LMNA: variants seen among roughly 807,000 people sequenced by gnomAD.
LMNA encodes lamin A/C.
A neutral mutation model predicts 70.4 loss-of-function variants in LMNA; 20 were observed. The ratio of observed to expected loss-of-function variants is 0.28; its 90% CI spans 0.20 to 0.41. The LOEUF is 0.41. LMNA is among the 10% of genes least tolerant of loss of function. LMNA has a pLI of 1.00. For missense variants in LMNA, 652 were observed against 917.2 expected (o/e 0.71, Z 3.73); for synonymous variants, 339 against 372.8 (o/e 0.91, Z 1.04).
In LMNA at chr1:156,135,438, C is replaced by T; in HGVS notation, c.936+126C>T. The stretch of plus-strand genomic sequence containing the variant: ...TGAGGAGGAGAGGGATGAAAAGTGT[C>T]CCCACAACCACAGAGAAGGGTCGCA... On this transcript the variant is annotated intron_variant, in intron 5 of 11. Coordinates refer to ENST00000368300, the MANE Select transcript of LMNA (RefSeq NM_170707.4). This position sits in a 1 kb window ranked among gnomAD's most constrained non-coding sequence, Gnocchi z 4.8. 8.0e-7 allele frequency: 1 copy of T among 1,254,554 alleles called. No individual in the cohort carries two copies. The highest frequency in any genetic ancestry group is 1.3e-5 in the South Asian group (1 of 78,168). 77.7% of individuals were successfully genotyped at this position (1,254,554 alleles called of 1,614,324 possible). A position where few individuals can be genotyped will look rare whatever the true frequency, so the allele number is the denominator to read the frequency against.
Position 156,139,449 on chromosome 1 carries a change from G to A in LMNA, c.*343G>A. The stretch of plus-strand genomic sequence containing the variant: ...CAAGGGAAAGGGGTGCTTTTATAGA[G>A]GCTAGCTTCTGCTTTTCTGCCCTGG... On this transcript the variant is annotated 3_prime_UTR_variant, in exon 12 of 12. Coordinates refer to ENST00000368300, the MANE Select transcript of LMNA (RefSeq NM_170707.4). The A allele has an allele frequency of 7.4e-7, 1 of 1,342,920 alleles. No homozygotes were observed. The highest frequency in any genetic ancestry group is 9.5e-7 in the Non-Finnish European group (1 of 1,048,996). 83.2% of individuals were successfully genotyped at this position (1,342,920 alleles called of 1,614,324 possible).
chr1:156,133,848 G>A (rs560950034), intron 2 of LMNA, among the ~76,000 whole-genome samples: 17 of 152,130 alleles, frequency 1.1e-4, no homozygotes, highest in African/African-American at 3.9e-4. Flanking sequence ...TGTAGGCCCC[G>A]CTAGCCTGTC....
chr1:156,134,927 C>G lies in LMNA; in HGVS notation c.762C>G (p.Asp254Glu), dbSNP rs1558129629. ...AGGAACTGCGGGCCCAGCATGAGGA[C>G]CAGGTGGAGCAGTATAAGAAGGAGC... ...ALQELRAQHE[D>E]QVEQYKKELE... Residue 254 changes from aspartate to glutamate, a missense_variant, in exon 4 of 12, where the codon GAC (aspartate) becomes GAG (glutamate). Around this residue, in one of 4 missense-constraint regions of LMNA, gnomAD observed 254 missense variants for 421.9 expected, o/e 0.60. Coordinates refer to ENST00000368300, the MANE Select transcript of LMNA (RefSeq NM_170707.4). This position sits in a 1 kb window ranked among gnomAD's most constrained non-coding sequence, Gnocchi z 5.3. The G allele has an allele frequency of 6.2e-7, 1 of 1,614,198 alleles. No individual in the cohort carries two copies. The highest frequency in any genetic ancestry group is 1.3e-5 in the African/African-American group (1 of 75,062).
In LMNA at chr1:156,135,890, C is replaced by T. The variant is rs267607645; in HGVS notation, c.937-11C>T. 3 of 1,611,088 alleles carry T rather than the reference C, an allele frequency of 1.9e-6. No homozygotes were observed. The highest frequency in any genetic ancestry group is 1.7e-5 in the Admixed American group (1 of 59,970). On this transcript the variant is annotated splice_polypyrimidine_tract_variant and intron_variant, in intron 5 of 11. Transcript: ENST00000368300. The surrounding 1 kb of genome is among the most constrained non-coding windows in gnomAD (Gnocchi z 4.8). ...CTTGGGAGCTCACCAAACCCTCCCA[C>T]CCCCCTTCAGCTGGCAGCCAAGGAG... is the stretch of plus-strand genomic sequence containing the variant.
intron 1 of LMNA, among the ~76,000 whole-genome samples, chr1:156,128,972 C>T (rs1342745445): frequency 6.6e-6 from 1 of 152,238 alleles, no homozygotes; most frequent in Non-Finnish European, 1.5e-5. Context: ...CCTGCAGCTG[C>T]TTCAGCTTCG....
At position 156,136,878 on chromosome 1, in the gene LMNA, G is replaced by T. The variant is rs760095320; in HGVS notation, c.1381-43G>T. On this transcript the variant is annotated intron_variant, in intron 7 of 11. Coordinates refer to ENST00000368300, the MANE Select transcript of LMNA (RefSeq NM_170707.4). This position sits in a 1 kb window ranked among gnomAD's most constrained non-coding sequence, Gnocchi z 6.1. ...TTGAGCAAGATACACCCAAGAGCCT[G>T]GGTGAGCCTCCCCGACCTTCCTCTT... The T allele has an allele frequency of 6.5e-7, 1 of 1,548,996 alleles. No individual in the cohort carries two copies. The highest frequency in any genetic ancestry group is 1.1e-5 in the South Asian group (1 of 86,978).
chr1:156,123,523 G>A (rs866039718), intron 1 of LMNA: 1 of 152,386 alleles, frequency 6.6e-6, no homozygotes, highest in Middle Eastern at 3.4e-3. Flanking sequence ...CTTGTGAAGG[G>A]AATCCCCTAA....
At chr1:156,097,442 C>T (rs371218027) in intron 3 of LMNA, among the ~76,000 whole-genome samples, 21 of 152,368 alleles carry the variant, frequency 1.4e-4, no homozygotes, top group African/African-American at 4.6e-4. Context: ...AAGGGGCAGG[C>T]GCTTTGCTCC....
Position 156,137,483 on chromosome 1 carries a change from C to T in LMNA, c.1609-171C>T, listed in dbSNP as rs2102897193. ...CCTACCCGGAGAGCTTGACAGTGTCCCTCTGGGGTGGAAATGAGTTCCTTA... is the reference window on the plus strand; with the variant it reads ...CCTACCCGGAGAGCTTGACAGTGTCTCTCTGGGGTGGAAATGAGTTCCTTA... On this transcript the variant is annotated intron_variant, in intron 9 of 11. Coordinates refer to ENST00000368300, the MANE Select transcript of LMNA (RefSeq NM_170707.4). This position sits in a 1 kb window ranked among gnomAD's most constrained non-coding sequence, Gnocchi z 4.6. 1.3e-6 allele frequency: 1 copy of T among 790,464 alleles called. No individual in the cohort carries two copies. Among genetic ancestry groups the T allele is most frequent in the Admixed American group, 2.0e-5 (1 of 49,360 alleles). The allele number at this position is 790,464 out of a possible 1,614,324, so 49.0% of individuals were successfully genotyped here. A position where few individuals can be genotyped will look rare whatever the true frequency, so the allele number is the denominator to read the frequency against.
intron 3 of LMNA, among the ~76,000 whole-genome samples, chr1:156,098,121 C>A (rs1649009839): frequency 6.6e-6 from 1 of 152,206 alleles, no homozygotes; most frequent in Non-Finnish European, 1.5e-5. Flanking sequence ...GGGGTATGCC[C>A]ATCTCACCCT....
At position 156,130,738 on chromosome 1, in the gene LMNA, G is replaced by C. The variant is rs765665953; in HGVS notation, c.478G>C (p.Gly160Arg). 21 of 1,605,612 alleles carry C rather than the reference G, an allele frequency of 1.3e-5. No homozygotes were observed. The highest frequency in any genetic ancestry group is 1.7e-5 in the Non-Finnish European group (20 of 1,176,424). The change falls in exon 2 of 12, where the codon GGC becomes CGC. Residue 160 changes from glycine to arginine, a missense_variant. By Grantham distance (125) the Gly-to-Arg change is moderately radical. Transcript: ENST00000368300. ...TALSEKRTLE[G>R]ELHDLRGQVA... Reference sequence around the variant, plus strand: ...TCTCAGTGAGAAGCGCACGCTGGAGGGCGAGCTGCATGATCTGCGGGGCCA... The same window carrying C: ...TCTCAGTGAGAAGCGCACGCTGGAGCGCGAGCTGCATGATCTGCGGGGCCA...
intron 1 of LMNA, chr1:156,126,914 C>A: frequency 6.3e-7 from 1 of 1,599,354 alleles, no homozygotes; most frequent in East Asian, 2.3e-5. Flanking sequence ...AGGGTCTCCC[C>A]TGTGAGCACT....
At chr1:156,122,727 A>G (rs1380922517) in intron 1 of LMNA, among the ~76,000 whole-genome samples, 1 of 152,226 alleles carries the variant, frequency 6.6e-6, no homozygotes, top group Non-Finnish European at 1.5e-5. Context: ...GAGAGGCAGA[A>G]CTGTTACCTT....
At chr1:156,092,699 G>A (rs1314997555) in intron 3 of LMNA, among the ~76,000 whole-genome samples, 1 of 150,244 alleles carries the variant, frequency 6.7e-6, no homozygotes, top group Non-Finnish European at 1.5e-5. Context: ...AAAAAAATGT[G>A]ATCATGAAAT....
At position 156,139,654 on chromosome 1, in the gene LMNA, A is replaced by G. The variant is rs1178090801; in HGVS notation, c.*548A>G. On this transcript the variant is annotated 3_prime_UTR_variant, in exon 12 of 12. Transcript: ENST00000368300. The stretch of plus-strand genomic sequence containing the variant: ...GCTTGGCCTGCTGTGATTCCACTAC[A>G]CCTGGCTGAGGTTCCTCTGCCTGCC... The G allele has an allele frequency of 1.3e-6, 2 of 1,492,842 alleles. No homozygotes were observed. Among genetic ancestry groups the G allele is most frequent in the African/African-American group, 2.8e-5 (2 of 71,402 alleles). The allele number at this position is 1,492,842 out of a possible 1,614,324, so 92.5% of individuals were successfully genotyped here.
At chr1:156,112,693 A>G (rs985330414), upstream of LMNA, among the ~76,000 whole-genome samples, 1 of 152,126 alleles carries the variant, frequency 6.6e-6, no homozygotes, top group Non-Finnish European at 1.5e-5. Context: ...AGTGCTCACC[A>G]TGCTGCCCAG....
Position 156,137,261 on chromosome 1 carries a change from T to C in LMNA, c.1608+29T>C, listed in dbSNP as rs772058364. Reference sequence around the variant, plus strand: ...AGTAGGCCTGGGCCTGGCTGCTTGCTGGACGAGGCTCCCCCTGATGGCCAA... The same window carrying C: ...AGTAGGCCTGGGCCTGGCTGCTTGCCGGACGAGGCTCCCCCTGATGGCCAA... On this transcript the variant is annotated intron_variant, in intron 9 of 11. Transcript: ENST00000368300. This position sits in a 1 kb window ranked among gnomAD's most constrained non-coding sequence, Gnocchi z 4.6. The C allele has an allele frequency of 5.8e-6, 9 of 1,547,838 alleles. No homozygotes were observed. Among genetic ancestry groups the C allele is most frequent in the Non-Finnish European group, 7.8e-6 (9 of 1,151,364 alleles).
Position 156,121,760 on chromosome 1 carries a change from C to T in LMNA, c.356+6486C>T, listed in dbSNP as rs543057969. Among the ~76,000 whole-genome samples, 601 of 152,056 alleles carry T rather than the reference C, an allele frequency of 4.0e-3. 6 individuals are homozygous for T. Among genetic ancestry groups the T allele is most frequent in the Non-Finnish European group, 6.1e-3 (415 of 67,990 alleles). ...GAGACCCAGACACAAGGGCAGGGTT[C>T]ATTCCATTCTCACCTCCTTGGGGTC... On this transcript the variant is annotated intron_variant, in intron 1 of 11. Coordinates refer to ENST00000368300, the MANE Select transcript of LMNA (RefSeq NM_170707.4).
At chr1:156,083,881 A>G (rs1648371310) in intron 2 of LMNA, among the ~76,000 whole-genome samples, 1 of 152,242 alleles carries the variant, frequency 6.6e-6, no homozygotes, top group Admixed American at 6.5e-5. Flanking sequence ...TAAGGCTTGG[A>G]GAGTTAGGCA....
Sources: allele counts gnomAD v4.1 joint callset (sites outside exome capture counted in the v4.1 genomes callset), GRCh38; gene constraint gnomAD v4.1.1; regional missense constraint gnomAD v4.1.1; non-coding constraint Gnocchi (gnomAD v3.1); transcripts MANE v1.5; gene names NCBI Gene and HGNC (gene_info 2026-07-23, HGNC 2026-07-21).